KDM1A: variants seen among roughly 807,000 people sequenced by gnomAD.
The protein encoded by KDM1A is lysine-specific histone demethylase 1A.
Under a neutral mutation model 109.4 loss-of-function variants are expected in KDM1A, and 49 were observed. That is an observed-to-expected ratio of 0.45 (90% CI 0.36 to 0.57). The LOEUF (loss-of-function observed/expected upper bound fraction) is 0.57, where lower values mean the gene tolerates loss of function less well. Ranked by LOEUF, KDM1A falls within the 20% of genes least tolerant of loss-of-function variation. The pLI is 0.00. For synonymous variants in KDM1A, 380 were observed against 415.4 expected, an observed-to-expected ratio of 0.91 and a Z score of 1.04; for missense variants, 668 against 1,116.6, an observed-to-expected ratio of 0.60 and a Z score of 5.73.
chr1:23,081,240 T>C (rs1198318956), intron 18 of KDM1A: 2 of 529,430 alleles, frequency 3.8e-6, no homozygotes, highest in Admixed American at 3.3e-5. Flanking sequence ...TTCACTCTAG[T>C]CTGCCAGCTC....
In KDM1A at chr1:23,057,679, T is replaced by A; in HGVS notation, c.1072+114T>A. On this transcript the variant is annotated intron_variant, in intron 8 of 20. Coordinates refer to ENST00000400181, the MANE Select transcript of KDM1A (RefSeq NM_001009999.3). ...TGGTTTAGAATAGTCATCTTCCGTT[T>A]AGTGAGAGGTATAGCAGTATGTGGA... 7 of 733,080 alleles carry A rather than the reference T, an allele frequency of 9.5e-6. No homozygotes were observed. The South Asian group carries it at 1.2e-4, about 12-fold the overall frequency. The allele number at this position is 733,080 out of a possible 1,614,324, so 45.4% of individuals were successfully genotyped here. A position where few individuals can be genotyped will look rare whatever the true frequency, so the allele number is the denominator to read the frequency against.
chr1:23,083,201 C>A lies in KDM1A; in HGVS notation c.2468C>A (p.Ala823Glu). ...APQPIPRLFFAGEHTIRNYPA... is the reference protein window; with the variant it reads ...APQPIPRLFFEGEHTIRNYPA... ...TAGCCGATTCCACGACTCTTCTTTG[C>A]GGGAGAACATACGATCCGTAACTAC... The change falls in exon 21 of 21, where the codon GCG becomes GAG. Residue 823 changes from alanine to glutamate, a missense_variant. By Grantham distance (107) the Ala-to-Glu change is moderately radical. Transcript: ENST00000400181. 6.2e-7 allele frequency: 1 copy of A among 1,611,308 alleles called. No individual in the cohort carries two copies. The highest frequency in any genetic ancestry group is 8.5e-7 in the Non-Finnish European group (1 of 1,177,942).
chr1:23,074,652 T>C (rs1643411571), intron 15 of KDM1A, among the ~76,000 whole-genome samples: 1 of 152,230 alleles, frequency 6.6e-6, no homozygotes, highest in African/African-American at 2.4e-5. Context: ...AAAGATGTTA[T>C]CCTGTGTTCT....
At chr1:23,071,041 T>A (rs1264826123) in intron 12 of KDM1A, among the ~76,000 whole-genome samples, 184 bp from the exon 13 acceptor site, 4 of 152,188 alleles carry the variant, frequency 2.6e-5, no homozygotes, top group African/African-American at 9.7e-5. Context: ...CCTATAAGAT[T>A]TCTTTCCTAT....
intron 2 of KDM1A, among the ~76,000 whole-genome samples, chr1:23,038,254 T>TTGTGTGTGTGTGTG (rs56016343): frequency 2.0e-5 from 3 of 149,208 alleles, no homozygotes; most frequent in East Asian, 2.0e-4. Flanking sequence ...CTGGAACTGT[T>TTGTGTGTGTGTGTG]TGTGTGTGTG....
chr1:23,070,275 C>T (rs1643279246), intron 12 of KDM1A, among the ~76,000 whole-genome samples: 1 of 152,152 alleles, frequency 6.6e-6, no homozygotes, highest in Non-Finnish European at 1.5e-5. Flanking sequence ...AGCTCGAGAT[C>T]AGCCTGGCCA....
At chr1:23,067,543 T>C (rs1234634549) in intron 10 of KDM1A, among the ~76,000 whole-genome samples, 2 of 152,238 alleles carry the variant, frequency 1.3e-5, no homozygotes, top group Admixed American at 6.5e-5. Context: ...TCCTGAGTCT[T>C]AGTGTTTACT....
Position 23,064,460 on chromosome 1 carries a change from T to C in KDM1A, c.1168-1600T>C, listed in dbSNP as rs142870891. ...CCATTACTGCCTTTTTCTGATTCTTTCTGGGGATTTCTCTGGCTAAATCTC... is the reference window on the plus strand; with the variant it reads ...CCATTACTGCCTTTTTCTGATTCTTCCTGGGGATTTCTCTGGCTAAATCTC... On this transcript the variant is annotated intron_variant, in intron 9 of 20. Coordinates refer to ENST00000400181, the MANE Select transcript of KDM1A (RefSeq NM_001009999.3). Among the ~76,000 whole-genome samples, 9 of 152,364 alleles carry C rather than the reference T, an allele frequency of 5.9e-5. No homozygotes were observed. In the East Asian group the frequency reaches 1.7e-3, roughly 29 times the overall value.
At chr1:23,076,417 T>G (rs1474544720) in intron 15 of KDM1A, among the ~76,000 whole-genome samples, 1 of 152,188 alleles carries the variant, frequency 6.6e-6, no homozygotes, top group African/African-American at 2.4e-5. Context: ...TTTGACTGAC[T>G]TAGTTTTGGA....
Position 23,019,917 on chromosome 1 carries a change from G to A in KDM1A, c.321G>A (p.Gly107=). The A allele has an allele frequency of 6.4e-7, 1 of 1,571,992 alleles. No individual in the cohort carries two copies. The highest frequency in any genetic ancestry group is 8.6e-7 in the Non-Finnish European group (1 of 1,161,596). ...METGIAETPE[G]RRTSRRKRAK... is the part of the protein sequence containing the mutation. ...CTGGAATAGCAGAGACTCCGGAGGG[G>A]CGTCGGACCAGCCGGCGCAAGCGGG... The change falls in exon 1 of 21, where the codon GGG becomes GGA. Residue 107 remains glycine (G), a synonymous_variant. Transcript: ENST00000400181.
rs192905242 is a variant in KDM1A, at chr1:23,069,971, A to T, written c.1413+820A>T. 1.6e-3 allele frequency among the ~76,000 whole-genome samples: 250 copies of T among 152,286 alleles called. 3 individuals are homozygous for T. The highest frequency in any genetic ancestry group is 0.013 in the Admixed American group (204 of 15,300). On this transcript the variant is annotated intron_variant, in intron 12 of 20. Transcript: ENST00000400181. ...GTGACTGGACTCTTGCCTCACTCTCACTGTGCCTCATTCTTCATCCTGTCT... is the reference window on the plus strand; with the variant it reads ...GTGACTGGACTCTTGCCTCACTCTCTCTGTGCCTCATTCTTCATCCTGTCT...
At position 23,075,570 on chromosome 1, in the gene KDM1A, C is replaced by CA. The variant is rs55931513; in HGVS notation, c.1735-1644dup. 9.6e-3 allele frequency among the ~76,000 whole-genome samples: 1,338 copies of CA among 139,150 alleles called. 22 individuals carry two copies. Among genetic ancestry groups the CA allele is most frequent in the African/African-American group, 0.032 (1,188 of 37,634 alleles). The allele number at this position is 139,150 out of a possible 152,430, so 91.3% of individuals were successfully genotyped here. On this transcript the variant is annotated intron_variant, in intron 15 of 20. Coordinates refer to ENST00000400181, the MANE Select transcript of KDM1A (RefSeq NM_001009999.3). ...TGGGCAACAGAGCAAGACTCCATCT[C>CA]AAAAAAAAAAAAAATGTATAGAAGT...
intron 7 of KDM1A, 75 bp downstream of exon 7, chr1:23,056,113 A>G: frequency 1.0e-6 from 1 of 962,266 alleles, no homozygotes; most frequent in Non-Finnish European, 1.7e-6. Flanking sequence ...TGCAAATTAA[A>G]GAATTATACA....
intron 9 of KDM1A, chr1:23,059,402 A>G: frequency 1.8e-6 from 1 of 564,646 alleles, no homozygotes; most frequent in South Asian, 1.5e-5. Flanking sequence ...TTATCTTTAG[A>G]TATTTAATGA....
chr1:23,075,449 T>C (rs1220499855), intron 15 of KDM1A, among the ~76,000 whole-genome samples: 1 of 151,844 alleles, frequency 6.6e-6, no homozygotes, highest in African/African-American at 2.4e-5. Flanking sequence ...CGGGCACCTG[T>C]AATCCCAGCT....
At chr1:23,081,965 A>T in intron 19 of KDM1A, 1 of 453,684 alleles carries the variant, frequency 2.2e-6, no homozygotes, top group East Asian at 3.6e-5. Flanking sequence ...TTTATAAAAG[A>T]GAATAAAGGC....
At chr1:23,029,508 A>G (rs572244812) in intron 1 of KDM1A, among the ~76,000 whole-genome samples, 84 of 152,314 alleles carry the variant, frequency 5.5e-4, no homozygotes, top group African/African-American at 1.9e-3. Context: ...TTTACCCTCA[A>G]TGACACATTC....
chr1:23,065,331 G>T (rs760435269), intron 9 of KDM1A, among the ~76,000 whole-genome samples: 1 of 152,174 alleles, frequency 6.6e-6, no homozygotes, highest in Non-Finnish European at 1.5e-5. Context: ...ATGTCAAATA[G>T]AATATTTCTA....
intron 1 of KDM1A, among the ~76,000 whole-genome samples, chr1:23,030,181 A>G (rs1013248712): frequency 4.6e-5 from 7 of 152,244 alleles, no homozygotes; most frequent in African/African-American, 1.4e-4. Context: ...GATACACACA[A>G]TTAAAAAGGT....
Sources: gnomAD v4.1 joint callset for allele counts (sites outside exome capture counted in the v4.1 genomes callset) on GRCh38, gnomAD v4.1.1 for gene constraint, MANE v1.5 for transcripts, NCBI Gene and HGNC (gene_info 2026-07-23, HGNC 2026-07-21) for gene names.